BANK1: variants seen among roughly 807,000 people sequenced by gnomAD.
BANK1 encodes the protein B-cell scaffold protein with ankyrin repeats.
In BANK1, 95 loss-of-function variants were observed where a neutral mutation model predicts 94.5. The observed-to-expected ratio is 1.00, with a 90% confidence interval of 0.85 to 1.19. The LOEUF (loss-of-function observed/expected upper bound fraction) is 1.19. BANK1 is among the 50% of genes most tolerant of loss of function. The pLI, the probability that BANK1 is intolerant of heterozygous loss-of-function variation, is 0.00. For synonymous variants in BANK1, 334 were observed against 308.4 expected (o/e 1.08, Z -0.87); for missense variants, 987 against 932.2 (o/e 1.06, Z -0.77).
chr4:102,043,412 A>G (rs115154558), intron 10 of BANK1, among the ~76,000 whole-genome samples: 1,695 of 152,180 alleles, frequency 0.011, 33 homozygotes, highest in Non-Finnish European at 0.013. Context: ...TCTGAAATAC[A>G]AGAGTCTTTT....
At chr4:101,964,021 G>A (rs1724662799) in intron 7 of BANK1, among the ~76,000 whole-genome samples, 1 of 152,052 alleles carries the variant, frequency 6.6e-6, no homozygotes, top group Admixed American at 6.6e-5. Flanking sequence ...GATGTGAACT[G>A]TTAAGACTGT....
intron 7 of BANK1, among the ~76,000 whole-genome samples, chr4:102,004,781 T>C (rs1024040579): frequency 2.6e-5 from 4 of 152,166 alleles, no homozygotes; most frequent in African/African-American, 9.6e-5. Context: ...TGTGTGGCTT[T>C]AGAAAAATTA....
chr4:101,956,344 C>T (rs1183311645), intron 7 of BANK1, among the ~76,000 whole-genome samples: 1 of 152,182 alleles, frequency 6.6e-6, no homozygotes, highest in African/African-American at 2.4e-5. Context: ...CTTATCATGT[C>T]TTTGCCTTCA....
intron 7 of BANK1, among the ~76,000 whole-genome samples, chr4:101,953,878 C>A (rs1724253269): frequency 6.6e-6 from 1 of 152,072 alleles, no homozygotes; most frequent in Non-Finnish European, 1.5e-5. Context: ...TACCTCTTGC[C>A]TTCTGTATTT....
At chr4:102,025,176 A>T in intron 8 of BANK1, 25 bp from the exon 9 acceptor site, 1 of 1,606,606 alleles carries the variant, frequency 6.2e-7, no homozygotes, top group East Asian at 2.2e-5. Flanking sequence ...TTTAAATGAA[A>T]TCATGCAATC....
chr4:101,841,501 C>A (rs1727043078), intron 2 of BANK1, among the ~76,000 whole-genome samples: 1 of 151,950 alleles, frequency 6.6e-6, no homozygotes, highest in Admixed American at 6.6e-5. Context: ...ATATTGACAA[C>A]TATTCCATGG....
chr4:101,862,381 T>C, intron 3 of BANK1, 145 bp from the exon 4 acceptor site: 1 of 553,282 alleles, frequency 1.8e-6, no homozygotes, highest in East Asian at 3.4e-5. Flanking sequence ...ATGTATTTTA[T>C]TTCTGGATAC....
intron 1 of BANK1, among the ~76,000 whole-genome samples, chr4:101,800,135 G>A (rs1725307780): frequency 2.1e-5 from 1 of 47,230 alleles, no homozygotes; most frequent in African/African-American, 8.3e-5. Context: ...TTGTTGTTGG[G>A]TGGGGGGAGG....
intron 5 of BANK1, among the ~76,000 whole-genome samples, chr4:101,881,612 A>C (rs1344964997): frequency 6.6e-6 from 1 of 152,108 alleles, no homozygotes; most frequent in Non-Finnish European, 1.5e-5. Flanking sequence ...AGATATCTGC[A>C]CTCCCATGTT....
chr4:102,048,296 T>G (rs918955268), intron 11 of BANK1, among the ~76,000 whole-genome samples: 1 of 152,126 alleles, frequency 6.6e-6, no homozygotes, highest in South Asian at 2.1e-4. Flanking sequence ...ATGACTATAG[T>G]GTGCAGGGAA....
Position 101,807,694 on chromosome 4 carries a change from G to A in BANK1, c.70+16744G>A, listed in dbSNP as rs144987417. ...AATTCTCACACTGATTCCATAGGTG[G>A]TGTTATCCACGTGTTACAAGCAGGA... On this transcript the variant is annotated intron_variant, in intron 1 of 16. Transcript: ENST00000322953. Among the ~76,000 whole-genome samples the A allele has an allele frequency of 2.6e-5, 4 of 152,196 alleles. No homozygotes were observed. The East Asian group carries it at 7.7e-4, about 29-fold the overall frequency.
rs761094580 is a variant in BANK1 at position 102,072,330 on chromosome 4, A to AGTT, written c.2243-14_2243-12dup. The AGTT allele has an allele frequency of 6.5e-7, 1 of 1,549,674 alleles. No homozygotes were observed. Among genetic ancestry groups the AGTT allele is most frequent in the South Asian group, 1.1e-5 (1 of 88,562 alleles). The stretch of plus-strand genomic sequence containing the variant: ...TGAATGAATAAAGAGGTAATAACTG[A>AGTT]GTTTGTATTTCTAGGTAAGGAAACT... On this transcript the variant is annotated splice_polypyrimidine_tract_variant and intron_variant, in intron 14 of 16. Coordinates refer to ENST00000322953, the MANE Select transcript of BANK1 (RefSeq NM_017935.5).
intron 5 of BANK1, among the ~76,000 whole-genome samples, chr4:101,886,860 T>C (rs1264412288): frequency 6.6e-6 from 1 of 152,160 alleles, no homozygotes; most frequent in East Asian, 1.9e-4. Flanking sequence ...TTTACATAAA[T>C]TATGATGTTC....
chr4:102,061,815 C>G, intron 12 of BANK1: 1 of 152,052 alleles, frequency 6.6e-6, no homozygotes, highest in Non-Finnish European at 1.5e-5. Flanking sequence ...TCTGACTCAC[C>G]TAATAATAAG....
chr4:101,833,661 A>T (rs1021446563), intron 2 of BANK1, among the ~76,000 whole-genome samples: 1 of 152,062 alleles, frequency 6.6e-6, no homozygotes, highest in African/African-American at 2.4e-5. Flanking sequence ...GTACACCCTC[A>T]TGCTGTATCA....
intron 7 of BANK1, among the ~76,000 whole-genome samples, chr4:102,007,113 A>AT (rs796343353): frequency 0.41 from 37,904 of 93,418 alleles, 8,429 homozygotes; most frequent in Non-Finnish European, 0.5. Flanking sequence ...ATATATATAA[A>AT]TATATATTTT....
At chr4:101,882,321 T>A (rs758087377) in intron 5 of BANK1, among the ~76,000 whole-genome samples, 1 of 152,184 alleles carries the variant, frequency 6.6e-6, no homozygotes, top group Non-Finnish European at 1.5e-5. Flanking sequence ...ATTGAATAAA[T>A]GATCTGATGC....
At chr4:101,906,224 C>A (rs1722443481) in intron 6 of BANK1, among the ~76,000 whole-genome samples, 1 of 152,204 alleles carries the variant, frequency 6.6e-6, no homozygotes, top group Non-Finnish European at 1.5e-5. Context: ...CAGCAACATT[C>A]TTTAACAGTC....
At chr4:101,802,204 C>T (rs1725377529) in intron 1 of BANK1, among the ~76,000 whole-genome samples, 1 of 152,198 alleles carries the variant, frequency 6.6e-6, no homozygotes, top group African/African-American at 2.4e-5. Context: ...CCAGTACTTC[C>T]CTTCTGTATC....
Sources: allele counts gnomAD v4.1 joint callset (sites outside exome capture counted in the v4.1 genomes callset), GRCh38; gene constraint gnomAD v4.1.1; transcripts MANE v1.5; gene names NCBI Gene and HGNC (gene_info 2026-07-23, HGNC 2026-07-21).